RAD51B: variants seen among roughly 807,000 people sequenced by gnomAD.
The protein encoded by RAD51B is DNA repair protein RAD51 homolog 2.
In RAD51B, 38 loss-of-function variants were observed where a neutral mutation model predicts 42.2. The ratio of observed to expected loss-of-function variants is 0.90; its 90% confidence interval spans 0.70 to 1.18. The LOEUF (loss-of-function observed/expected upper bound fraction) is 1.18. Ranked by LOEUF, RAD51B falls within the 50% of genes most tolerant of loss-of-function variation. RAD51B has a pLI of 0.00. For synonymous variants in RAD51B, 154 were observed against 145.2 expected, an observed-to-expected ratio of 1.06 and a Z score of -0.43; for missense variants, 373 against 400.7, an observed-to-expected ratio of 0.93 and a Z score of 0.59.
At chr14:67,835,324 G>T (rs1367625714) in intron 4 of RAD51B, 128 bp downstream of exon 4, 1 of 721,938 alleles carries the variant, frequency 1.4e-6, no homozygotes, top group Non-Finnish European at 2.3e-6. Flanking sequence ...GTACTTCAAG[G>T]ATATGGTTCT....
At chr14:68,096,806 ATGTG>A (rs111474104) in intron 7 of RAD51B, among the ~76,000 whole-genome samples, 1 of 151,828 alleles carries the variant, frequency 6.6e-6, no homozygotes, top group African/African-American at 2.4e-5. Flanking sequence ...AATAAATGAT[ATGTG>A]TGTGTGTGTG....
At chr14:68,147,089 G>A (rs955819399) in intron 7 of RAD51B, among the ~76,000 whole-genome samples, 1 of 152,158 alleles carries the variant, frequency 6.6e-6, no homozygotes, top group Non-Finnish European at 1.5e-5. Flanking sequence ...AATTTCTCCG[G>A]GAGTCTTATT....
chr14:68,648,088 T>TATATATAC (rs1892609417), intron 10 of RAD51B, among the ~76,000 whole-genome samples: 1 of 19,910 alleles, frequency 5.0e-5, no homozygotes, highest in Non-Finnish European at 8.5e-5. Flanking sequence ...TATATATACG[T>TATATATAC]GTGTGTATAT....
chr14:68,637,909 C>T lies in RAD51B; in HGVS notation c.1037-12872C>T, dbSNP rs1892373616. Among the ~76,000 whole-genome samples, 3 of 152,248 alleles carry T rather than the reference C, an allele frequency of 2.0e-5. No individual in the cohort carries two copies. The South Asian group carries it at 6.2e-4, about 32-fold the overall frequency. On this transcript the variant is annotated intron_variant, in intron 10 of 11. Coordinates refer to the RAD51B transcript ENST00000488612. ...CATTTTAGCACAACTGCAAACCTCA[C>T]CTTCTGCCTCAGGCTTTGGTCTTTG...
downstream of RAD51B, among the ~76,000 whole-genome samples, chr14:68,597,171 G>A (rs1891031333): frequency 1.3e-5 from 2 of 152,288 alleles, no homozygotes; most frequent in African/African-American, 2.4e-5. Context: ...TCTGGAAGAG[G>A]CAATCTGAGA....
intron 7 of RAD51B, among the ~76,000 whole-genome samples, chr14:68,276,524 T>G (rs2081228330): frequency 6.6e-6 from 1 of 152,240 alleles, no homozygotes; most frequent in Non-Finnish European, 1.5e-5. Context: ...ACTTGAGTAA[T>G]TTTGTTTTCT....
At chr14:68,521,660 A>G (rs1051699176) in intron 10 of RAD51B, among the ~76,000 whole-genome samples, 2 of 152,172 alleles carry the variant, frequency 1.3e-5, no homozygotes, top group African/African-American at 4.8e-5. Flanking sequence ...TGCCCTTGAG[A>G]GGGAAGACCT....
chr14:67,825,957 T>G (rs1450333197), intron 3 of RAD51B, among the ~76,000 whole-genome samples: 1 of 152,168 alleles, frequency 6.6e-6, no homozygotes, highest in Non-Finnish European at 1.5e-5. Flanking sequence ...CTCAAACTTC[T>G]GACCTCAAGT....
At chr14:67,957,523 A>G (rs1039846214) in intron 7 of RAD51B, among the ~76,000 whole-genome samples, 4 of 152,178 alleles carry the variant, frequency 2.6e-5, no homozygotes, top group African/African-American at 7.2e-5. Flanking sequence ...AAGAAAATAA[A>G]TTTGAAAAAG....
chr14:68,342,550 C>CTTCTCTCTCTCTCT (rs1334670370), intron 8 of RAD51B, among the ~76,000 whole-genome samples: 4 of 152,120 alleles, frequency 2.6e-5, no homozygotes, highest in Admixed American at 1.3e-4. Flanking sequence ...GTACCCATGC[C>CTTCTCTCTCTCTCT]TTCTCTCTCT....
At chr14:68,512,626 T>C (rs2140315567) in intron 10 of RAD51B, among the ~76,000 whole-genome samples, 1 of 152,268 alleles carries the variant, frequency 6.6e-6, no homozygotes, top group South Asian at 2.1e-4. Flanking sequence ...CATGCATTCA[T>C]TTATTCACTC....
chr14:68,292,499 G>A (rs755857457), intron 8 of RAD51B, among the ~76,000 whole-genome samples: 3 of 152,184 alleles, frequency 2.0e-5, no homozygotes, highest in Non-Finnish European at 2.9e-5. Context: ...CTATGGTTTC[G>A]ATGGCAATAA....
chr14:68,368,274 C>T (rs866480826), intron 8 of RAD51B, among the ~76,000 whole-genome samples: 2 of 152,154 alleles, frequency 1.3e-5, no homozygotes, highest in Non-Finnish European at 2.9e-5. Context: ...AGCACACAGC[C>T]TCGAACAAGT....
chr14:68,214,337 G>A (rs1005584189), intron 7 of RAD51B, among the ~76,000 whole-genome samples: 7 of 152,176 alleles, frequency 4.6e-5, no homozygotes, highest in Admixed American at 4.6e-4. Flanking sequence ...CAGGGGAATT[G>A]TGTTACCCCT....
chr14:68,584,059 C>T (rs532417353), intron 10 of RAD51B, among the ~76,000 whole-genome samples: 1 of 149,934 alleles, frequency 6.7e-6, no homozygotes, highest in Non-Finnish European at 1.5e-5. Flanking sequence ...CCTCCAGATG[C>T]CCAGGCGCCC....
chr14:68,194,714 G>C (rs1325240133), intron 7 of RAD51B, among the ~76,000 whole-genome samples: 2 of 152,216 alleles, frequency 1.3e-5, no homozygotes, highest in Non-Finnish European at 2.9e-5. Flanking sequence ...TAAACACAGA[G>C]TGAGAATGAG....
At chr14:68,383,465 A>G (rs148975021) in intron 8 of RAD51B, among the ~76,000 whole-genome samples, 111 of 152,340 alleles carry the variant, frequency 7.3e-4, no homozygotes, top group African/African-American at 2.6e-3. Flanking sequence ...GCCATGTGGT[A>G]TATAACACAG....
chr14:68,570,161 GGGTCCCCATACCCA>G, intron 10 of RAD51B, among the ~76,000 whole-genome samples: 1 of 152,230 alleles, frequency 6.6e-6, no homozygotes, highest in Non-Finnish European at 1.5e-5. Context: ...AGTGGCTCCT[GGGTCCCCATACCCA>G]GGTCCCTCTG....
intron 11 of RAD51B, among the ~76,000 whole-genome samples, chr14:68,664,780 T>C (rs1358842660): frequency 2.0e-5 from 3 of 152,212 alleles, no homozygotes; most frequent in Non-Finnish European, 4.4e-5. Flanking sequence ...CCACTCATCC[T>C]CTGGGCCATC....
Sources: allele counts gnomAD v4.1 joint callset (sites outside exome capture counted in the v4.1 genomes callset), GRCh38; gene constraint gnomAD v4.1.1; transcripts MANE v1.5; gene names NCBI Gene and HGNC (gene_info 2026-07-23, HGNC 2026-07-21).